SLIT2: variants seen among roughly 807,000 people sequenced by gnomAD.
SLIT2 encodes the protein slit homolog 2 protein.
In SLIT2, 41 loss-of-function variants were observed where a neutral mutation model predicts 185.7. The ratio of observed to expected loss-of-function variants is 0.22; its 90% CI spans 0.17 to 0.29. The LOEUF is 0.29. Among genes scored for constraint, SLIT2 ranks in the 10% least tolerant of loss-of-function variants. SLIT2 has a pLI of 1.00. For synonymous variants in SLIT2, 693 were observed against 680.2 expected (o/e 1.02, Z -0.29); for missense variants, 1,571 against 1,909.0 (o/e 0.82, Z 3.30).
chr4:20,592,040 C>T (rs539352145), intron 30 of SLIT2, among the ~76,000 whole-genome samples: 35 of 152,012 alleles, frequency 2.3e-4, no homozygotes, highest in Non-Finnish European at 3.8e-4. Context: ...TAGCAGAAAA[C>T]GGTTAGGTCA....
chr4:20,313,934 G>A (rs1667735665), intron 4 of SLIT2, among the ~76,000 whole-genome samples: 1 of 152,140 alleles, frequency 6.6e-6, no homozygotes, highest in South Asian at 2.1e-4. Context: ...GGGGACCCCT[G>A]TGTTAAAGTC....
At chr4:20,297,018 T>A (rs1237447497) in intron 4 of SLIT2, among the ~76,000 whole-genome samples, 1 of 152,166 alleles carries the variant, frequency 6.6e-6, no homozygotes, top group Non-Finnish European at 1.5e-5. Context: ...TGCTTTACAG[T>A]TAATATATCT....
At chr4:20,301,502 A>T (rs1019845576) in intron 4 of SLIT2, among the ~76,000 whole-genome samples, 24 of 152,098 alleles carry the variant, frequency 1.6e-4, no homozygotes, top group African/African-American at 5.8e-4. Flanking sequence ...TACTAACTCT[A>T]TTGTACCTGC....
chr4:20,494,764 C>T (rs929112395), intron 9 of SLIT2, among the ~76,000 whole-genome samples: 1 of 148,772 alleles, frequency 6.7e-6, no homozygotes, highest in Admixed American at 6.7e-5. Context: ...GGTGACAGAG[C>T]TAGACTCCGT....
intron 24 of SLIT2, 54 bp downstream of exon 24, chr4:20,549,182 G>C (rs1723518617): frequency 8.9e-7 from 1 of 1,117,470 alleles, no homozygotes. Context: ...CTGAGTTTGG[G>C]GTTGTCTTTT....
At chr4:20,529,133 A>G in intron 16 of SLIT2, 34 bp downstream of exon 16, 1 of 1,514,516 alleles carries the variant, frequency 6.6e-7, no homozygotes, top group South Asian at 1.3e-5. Context: ...TCTGGTTGGG[A>G]TGGAGGGAAT....
intron 4 of SLIT2, among the ~76,000 whole-genome samples, chr4:20,409,489 G>A (rs761233751): frequency 3.3e-5 from 5 of 152,094 alleles, no homozygotes; most frequent in African/African-American, 7.2e-5. Flanking sequence ...CATTTAGGTC[G>A]ATTCCATGTC....
chr4:20,332,436 C>T (rs1228557468), intron 4 of SLIT2, among the ~76,000 whole-genome samples: 3 of 152,070 alleles, frequency 2.0e-5, no homozygotes, highest in Non-Finnish European at 4.4e-5. Context: ...GGGCCAGGTG[C>T]GGTGGCTCAC....
chr4:20,529,935 A>G lies in SLIT2; in HGVS notation c.1613+836A>G, dbSNP rs140160084. Among the ~76,000 whole-genome samples the G allele has an allele frequency of 6.0e-3, 916 of 152,274 alleles. 9 individuals carry two copies. Among genetic ancestry groups the G allele is most frequent in the African/African-American group, 0.021 (865 of 41,544 alleles). On this transcript the variant is annotated intron_variant, in intron 16 of 36. Transcript: ENST00000504154. ...GTATATAATCCTTCCATCTTTAACT[A>G]GATTATAGCTCCTTGATGACAGGGA...
intron 4 of SLIT2, among the ~76,000 whole-genome samples, chr4:20,341,926 A>T (rs1488106572): frequency 6.6e-6 from 1 of 152,146 alleles, no homozygotes; most frequent in Admixed American, 6.5e-5. Flanking sequence ...TTTCGCATGA[A>T]ATTGCATTTT....
chr4:20,486,652 T>C (rs550607886), intron 7 of SLIT2, among the ~76,000 whole-genome samples: 1 of 152,256 alleles, frequency 6.6e-6, no homozygotes, highest in South Asian at 2.1e-4. Flanking sequence ...TTCTTCAACA[T>C]TCCTTATAAC....
At chr4:20,311,975 T>A (rs1242337090) in intron 4 of SLIT2, among the ~76,000 whole-genome samples, 4 of 152,226 alleles carry the variant, frequency 2.6e-5, no homozygotes, top group Non-Finnish European at 5.9e-5. Context: ...AATGGAATAA[T>A]GGTGTTTAGC....
At chr4:20,454,694 T>C (rs1712863953) in intron 4 of SLIT2, among the ~76,000 whole-genome samples, 2 of 152,146 alleles carry the variant, frequency 1.3e-5, no homozygotes, top group South Asian at 4.1e-4. Flanking sequence ...TGAAACATAG[T>C]TTAGACACTT....
chr4:20,293,058 AAG>A (rs1716121310), intron 4 of SLIT2, among the ~76,000 whole-genome samples: 1 of 152,212 alleles, frequency 6.6e-6, no homozygotes, highest in African/African-American at 2.4e-5. Context: ...TCTGTATAGA[AAG>A]AGGGGGGAAA....
chr4:20,558,257 A>C (rs1186552121), intron 26 of SLIT2, among the ~76,000 whole-genome samples: 1 of 152,028 alleles, frequency 6.6e-6, no homozygotes, highest in Non-Finnish European at 1.5e-5. Flanking sequence ...ATCTGGTGAA[A>C]GGAAGAGTCA....
chr4:20,472,297 T>TCTATAG (rs1560452936), intron 5 of SLIT2, among the ~76,000 whole-genome samples: 6 of 27,694 alleles, frequency 2.2e-4, no homozygotes, highest in East Asian at 2.3e-3. Context: ...GATATATAGA[T>TCTATAG]ATATAGATCT....
intron 11 of SLIT2, among the ~76,000 whole-genome samples, chr4:20,517,012 G>A (rs973056099): frequency 6.6e-6 from 1 of 152,106 alleles, no homozygotes; most frequent in Non-Finnish European, 1.5e-5. Context: ...CTCCTAGCTT[G>A]TTCTCCTTTC....
chr4:20,608,298 G>A (rs990613411), intron 33 of SLIT2, among the ~76,000 whole-genome samples: 2 of 152,062 alleles, frequency 1.3e-5, no homozygotes, highest in African/African-American at 4.8e-5. Context: ...AATAAATGCA[G>A]GACCACGATT....
intron 4 of SLIT2, among the ~76,000 whole-genome samples, chr4:20,378,203 T>C (rs532151757): frequency 2.0e-5 from 3 of 152,258 alleles, no homozygotes; most frequent in Non-Finnish European, 2.9e-5. Context: ...CTTATAAAAA[T>C]CAGTTTTACA....
Sources: gnomAD v4.1 joint callset for allele counts (sites outside exome capture counted in the v4.1 genomes callset) on GRCh38, gnomAD v4.1.1 for gene constraint, MANE v1.5 for transcripts, NCBI Gene and HGNC (gene_info 2026-07-23, HGNC 2026-07-21) for gene names.